The following AGBL4 variants were observed in gnomAD, a reference collection of about 807,000 sequenced individuals.
AGBL4 encodes the protein AGBL carboxypeptidase 4.
A neutral mutation model predicts 66.4 loss-of-function variants in AGBL4; 58 were observed. The ratio of observed to expected loss-of-function variants is 0.87; its 90% CI spans 0.71 to 1.09. The LOEUF is 1.09. Among genes scored for constraint, AGBL4 ranks in the 50% least tolerant of loss-of-function variants. The pLI, the probability that AGBL4 is intolerant of heterozygous loss-of-function variation, is 0.00. For synonymous variants in AGBL4, 234 were observed against 222.9 expected (o/e 1.05, Z -0.44); for missense variants, 579 against 631.0 (o/e 0.92, Z 0.88).
intron 2 of AGBL4, among the ~76,000 whole-genome samples, chr1:49,740,641 T>C (rs1020646792): frequency 6.6e-6 from 1 of 152,138 alleles, no homozygotes; most frequent in Non-Finnish European, 1.5e-5. Context: ...ATTGACCATA[T>C]AGTAGGAAAT....
chr1:48,524,396 G>A, the AGBL4 span, among the ~76,000 whole-genome samples: 1 of 152,296 alleles, frequency 6.6e-6, no homozygotes, highest in East Asian at 1.9e-4. Context: ...TGGAGACAGA[G>A]TCTGAAAAGG....
At chr1:49,663,056 T>C (rs1646300438) in intron 3 of AGBL4, among the ~76,000 whole-genome samples, 1 of 152,098 alleles carries the variant, frequency 6.6e-6, no homozygotes, top group Admixed American at 6.6e-5. Context: ...ACTTAAGGCT[T>C]GTGAAAGAAA....
chr1:49,697,042 C>T (rs1371809190), intron 3 of AGBL4, among the ~76,000 whole-genome samples: 1 of 152,082 alleles, frequency 6.6e-6, no homozygotes, highest in African/African-American at 2.4e-5. Context: ...TAGTGTCCCT[C>T]AAGGAATCCT....
chr1:48,548,810 C>T (rs976538510), intron 11 of AGBL4, among the ~76,000 whole-genome samples: 4 of 152,184 alleles, frequency 2.6e-5, no homozygotes, highest in South Asian at 2.1e-4. Flanking sequence ...CTCCATTTTG[C>T]AGATGAAAAA....
intron 4 of AGBL4, among the ~76,000 whole-genome samples, chr1:49,092,847 C>A (rs1645026738): frequency 6.6e-6 from 1 of 152,076 alleles, no homozygotes; most frequent in South Asian, 2.1e-4. Context: ...CACTGTTCTG[C>A]CAGGCCCAAC....
intron 3 of AGBL4, among the ~76,000 whole-genome samples, chr1:49,358,099 T>C (rs1644058094): frequency 6.6e-6 from 1 of 152,144 alleles, no homozygotes; most frequent in Admixed American, 6.6e-5. Context: ...TTCTGATGAA[T>C]GTATTAATTA....
intron 6 of AGBL4, among the ~76,000 whole-genome samples, chr1:48,709,584 C>CATTATTATT (rs10657477): frequency 0.091 from 12,949 of 141,700 alleles, 729 homozygotes; most frequent in Admixed American, 0.16. Context: ...ATTTGCCAGG[C>CATTATTATT]ATTATTATTA....
chr1:49,127,413 C>T (rs1337236387), intron 4 of AGBL4, among the ~76,000 whole-genome samples: 5 of 152,140 alleles, frequency 3.3e-5, no homozygotes, highest in Non-Finnish European at 7.4e-5. Context: ...CAAATACCAC[C>T]TGTTCCTCAA....
intron 6 of AGBL4, among the ~76,000 whole-genome samples, chr1:48,749,543 T>C (rs1417233921): frequency 6.6e-6 from 1 of 152,226 alleles, no homozygotes; most frequent in East Asian, 1.9e-4. Context: ...CTCTTTCCAC[T>C]ACCCTACCCC....
chr1:49,190,485 T>A (rs1483461728), intron 4 of AGBL4, among the ~76,000 whole-genome samples: 1 of 152,180 alleles, frequency 6.6e-6, no homozygotes, highest in Non-Finnish European at 1.5e-5. Context: ...TTCATCAGAG[T>A]AAAGGGTGGA....
chr1:49,560,670 C>A (rs1369221817), intron 3 of AGBL4, among the ~76,000 whole-genome samples: 1 of 152,018 alleles, frequency 6.6e-6, no homozygotes, highest in Non-Finnish European at 1.5e-5. Flanking sequence ...TTAATAAACT[C>A]ACAAAGTTCA....
intron 5 of AGBL4, among the ~76,000 whole-genome samples, chr1:49,033,944 A>G (rs1427287932): frequency 6.6e-6 from 1 of 151,720 alleles, no homozygotes; most frequent in African/African-American, 2.4e-5. Flanking sequence ...TTCAGGTAAA[A>G]GGCATCCTAG....
chr1:48,729,580 A>T (rs1369656051), intron 6 of AGBL4, among the ~76,000 whole-genome samples: 1 of 152,114 alleles, frequency 6.6e-6, no homozygotes, highest in Non-Finnish European at 1.5e-5. Context: ...ACTTGTGCTA[A>T]CCTTTCCACT....
intron 6 of AGBL4, among the ~76,000 whole-genome samples, chr1:48,714,757 G>A (rs1205806558): frequency 6.6e-6 from 1 of 152,218 alleles, no homozygotes; most frequent in Non-Finnish European, 1.5e-5. Context: ...GCCCCAGCAG[G>A]TCCTAGCCCC....
At chr1:49,145,652 T>C (rs192967479) in intron 4 of AGBL4, among the ~76,000 whole-genome samples, 7 of 152,296 alleles carry the variant, frequency 4.6e-5, no homozygotes, top group Non-Finnish European at 8.8e-5. Context: ...AAAAAGCCTG[T>C]GTTTCCAACC....
chr1:48,793,377 C>T (rs1032583499), intron 6 of AGBL4, among the ~76,000 whole-genome samples: 5 of 152,048 alleles, frequency 3.3e-5, no homozygotes, highest in Admixed American at 2.0e-4. Context: ...CTTATAGCAG[C>T]GCCCCAAAAA....
intron 2 of AGBL4, among the ~76,000 whole-genome samples, chr1:49,720,712 T>C (rs987013752): frequency 1.3e-5 from 2 of 152,140 alleles, no homozygotes; most frequent in African/African-American, 2.4e-5. Flanking sequence ...GTGAGAACAG[T>C]TGCTGCTGCA....
intron 1 of AGBL4, among the ~76,000 whole-genome samples, chr1:49,912,605 G>A (rs1281981093): frequency 2.0e-5 from 3 of 152,130 alleles, no homozygotes; most frequent in Non-Finnish European, 4.4e-5. Flanking sequence ...ACGTGTAAGA[G>A]CTGGGCTTAA....
chr1:49,483,759 T>A (rs1647006218), intron 3 of AGBL4, among the ~76,000 whole-genome samples: 1 of 151,158 alleles, frequency 6.6e-6, no homozygotes, highest in African/African-American at 2.4e-5. Flanking sequence ...AATCCCATCA[T>A]GTTAAAAAAA....
Sources: allele counts gnomAD v4.1 joint callset (sites outside exome capture counted in the v4.1 genomes callset), GRCh38; gene constraint gnomAD v4.1.1; transcripts MANE v1.5; gene names NCBI Gene and HGNC (gene_info 2026-07-23, HGNC 2026-07-21).